Variants in RUFY2 observed in about 807,000 individuals in gnomAD.
RUFY2 encodes the protein RUN and FYVE domain containing 2.
A neutral mutation model predicts 94.4 loss-of-function variants in RUFY2; 49 were observed. The observed-to-expected ratio is 0.52, with a 90% confidence interval of 0.41 to 0.66. The LOEUF (loss-of-function observed/expected upper bound fraction) is 0.66, where lower values mean the gene tolerates loss of function less well. RUFY2 is among the 30% of genes least tolerant of loss of function. The probability of loss-of-function intolerance (pLI) is 0.00; values close to 1 mark genes in which losing one functional copy is unlikely to be tolerated. For synonymous variants in RUFY2, 255 were observed against 235.7 expected (o/e 1.08, Z -0.75); for missense variants, 541 against 692.8 (o/e 0.78, Z 2.46).
intron 1 of RUFY2, among the ~76,000 whole-genome samples, chr10:68,405,147 T>C (rs1194149185): frequency 6.6e-6 from 1 of 151,934 alleles, no homozygotes; most frequent in African/African-American, 2.4e-5. Flanking sequence ...ACCCCGTCTC[T>C]ACTAAAAATA....
chr10:68,386,170 A>C, intron 7 of RUFY2, 42 bp from the exon 8 acceptor site: 1 of 1,533,292 alleles, frequency 6.5e-7, no homozygotes, highest in Non-Finnish European at 9.0e-7. Flanking sequence ...AATCACACGA[A>C]CTCAAAAAGG....
At chr10:68,386,021 A>G in intron 8 of RUFY2, 38 bp downstream of exon 8, 1 of 1,383,744 alleles carries the variant, frequency 7.2e-7, no homozygotes, top group Non-Finnish European at 1.0e-6. Flanking sequence ...GATCACAAAC[A>G]CTAGGTCCAT....
chr10:68,393,087 CA>C, intron 7 of RUFY2, 50 bp downstream of exon 7: 1 of 1,114,924 alleles, frequency 9.0e-7, no homozygotes, highest in Non-Finnish European at 1.3e-6. Flanking sequence ...GGGAAAAAAA[CA>C]AAAACCTAAG....
intron 13 of RUFY2, among the ~76,000 whole-genome samples, chr10:68,369,117 G>T (rs1199475137): frequency 6.6e-6 from 1 of 152,102 alleles, no homozygotes; most frequent in East Asian, 1.9e-4. Context: ...CAGTAATAAG[G>T]CATCTGTTAT....
chr10:68,366,770 A>G (rs1468460089), intron 13 of RUFY2, among the ~76,000 whole-genome samples: 2 of 132,100 alleles, frequency 1.5e-5, no homozygotes, highest in Non-Finnish European at 3.1e-5. Context: ...AATATTAAAT[A>G]TATTAAATAA....
chr10:68,398,256 GA>G (rs2050552005), intron 3 of RUFY2, among the ~76,000 whole-genome samples: 1 of 151,808 alleles, frequency 6.6e-6, no homozygotes, highest in Middle Eastern at 3.2e-3. Context: ...TAATTAAAGA[GA>G]AATCACTGTG....
intron 11 of RUFY2, among the ~76,000 whole-genome samples, chr10:68,379,830 G>A (rs190471329): frequency 4.0e-4 from 58 of 146,526 alleles, no homozygotes; most frequent in African/African-American, 1.3e-3. Flanking sequence ...TTTTTTTTGA[G>A]ACAGTCTCAC....
chr10:68,394,310 C>G lies in RUFY2; in HGVS notation c.522+18G>C. On this transcript the variant is annotated intron_variant, in intron 5 of 17. Coordinates refer to ENST00000602465, the MANE Select transcript of RUFY2 (RefSeq NM_001330103.2). The stretch of plus-strand genomic sequence containing the variant: ...AACTGAAAACACTCTGCATTTGGCA[C>G]TAGTCACTTTCACTTACTTGTGAGT... The G allele has an allele frequency of 6.2e-7, 1 of 1,613,768 alleles. No homozygotes were observed. Among genetic ancestry groups the G allele is most frequent in the South Asian group, 1.1e-5 (1 of 91,032 alleles).
At chr10:68,369,381 G>A (rs11597148) in intron 13 of RUFY2, among the ~76,000 whole-genome samples, 6 of 151,644 alleles carry the variant, frequency 4.0e-5, no homozygotes, top group African/African-American at 9.7e-5. Flanking sequence ...GCTACTAGGG[G>A]GGCTGAGGCA....
intron 3 of RUFY2, among the ~76,000 whole-genome samples, chr10:68,400,223 C>T (rs1025662444): frequency 5.4e-5 from 8 of 147,310 alleles, no homozygotes; most frequent in East Asian, 2.1e-4. Context: ...GGCTGAGGCA[C>T]GAGAATCACT....
intron 1 of RUFY2, 83 bp from the exon 2 acceptor site, chr10:68,404,927 A>C: frequency 8.7e-7 from 1 of 1,143,354 alleles, no homozygotes; most frequent in Non-Finnish European, 1.2e-6. Context: ...CCCCTATAAA[A>C]ACCAACAGTA....
chr10:68,389,970 T>C (rs777948025), intron 7 of RUFY2, among the ~76,000 whole-genome samples: 1 of 152,200 alleles, frequency 6.6e-6, no homozygotes, highest in Non-Finnish European at 1.5e-5. Flanking sequence ...AGAGGGAAAC[T>C]AGATGGATGA....
rs561722489 is a variant in RUFY2, at chr10:68,344,294, C to G, written c.*1474G>C. 3 of 152,250 alleles carry G rather than the reference C, an allele frequency of 2.0e-5. No homozygotes were observed. In the South Asian group the frequency reaches 6.2e-4, roughly 32 times the overall value. 9.4% of individuals were successfully genotyped at this position (152,250 alleles called of 1,614,324 possible). A position where few individuals can be genotyped will look rare whatever the true frequency, so the allele number is the denominator to read the frequency against. ...AGATCCTGCAGTATTAATAAGAACT[C>G]CTTTGTAGGCAGGGAGGTACCTAGG... On this transcript the variant is annotated 3_prime_UTR_variant, in exon 18 of 18. Transcript: ENST00000602465.
chr10:68,405,790 C>T lies in RUFY2; in HGVS notation c.5-946G>A, dbSNP rs938701638. ...TTTATTTTCAAAGAGAAAATAAAAGCAGAGACCAGTTTTACATTAATGTTC... is the reference window on the plus strand; with the variant it reads ...TTTATTTTCAAAGAGAAAATAAAAGTAGAGACCAGTTTTACATTAATGTTC... On this transcript the variant is annotated intron_variant, in intron 1 of 17. Transcript: ENST00000602465. 3 of 812,236 alleles carry T rather than the reference C, an allele frequency of 3.7e-6. No individual in the cohort carries two copies. In the African/African-American group the frequency reaches 5.6e-5, roughly 15 times the overall value. The allele number at this position is 812,236 out of a possible 1,614,324, so 50.3% of individuals were successfully genotyped here.
At chr10:68,404,989 T>G in intron 1 of RUFY2, 145 bp from the exon 2 acceptor site, 1 of 656,562 alleles carries the variant, frequency 1.5e-6, no homozygotes, top group East Asian at 3.0e-5. Context: ...ACACCCTTGA[T>G]TAACTTCTCT....
chr10:68,375,442 C>A (rs1398962593), intron 13 of RUFY2, among the ~76,000 whole-genome samples: 1 of 151,774 alleles, frequency 6.6e-6, no homozygotes, highest in Non-Finnish European at 1.5e-5. Flanking sequence ...CAAGACTTCA[C>A]ATGTACCCCC....
At chr10:68,374,573 G>T (rs919251281) in intron 13 of RUFY2, among the ~76,000 whole-genome samples, 1 of 152,088 alleles carries the variant, frequency 6.6e-6, no homozygotes, top group Non-Finnish European at 1.5e-5. Flanking sequence ...ATTACAGTTG[G>T]ATATTTCAAC....
intron 8 of RUFY2, 32 bp downstream of exon 8, chr10:68,386,027 T>C: frequency 1.4e-6 from 2 of 1,427,792 alleles, no homozygotes; most frequent in Non-Finnish European, 2.0e-6. Flanking sequence ...AAACACTAGG[T>C]CCATGAAATA....
intron 13 of RUFY2, among the ~76,000 whole-genome samples, chr10:68,376,115 A>G (rs2048617806): frequency 6.7e-6 from 1 of 149,124 alleles, no homozygotes; most frequent in Admixed American, 6.7e-5. Context: ...AGGAAAAAAA[A>G]AAAAGTTGAT....
Sources: allele counts gnomAD v4.1 joint callset (sites outside exome capture counted in the v4.1 genomes callset), GRCh38; gene constraint gnomAD v4.1.1; transcripts MANE v1.5; gene names NCBI Gene and HGNC (gene_info 2026-07-23, HGNC 2026-07-21).